The following SGCZ variants were observed in gnomAD, a reference collection of about 807,000 sequenced individuals.
SGCZ encodes zeta-sarcoglycan.
A neutral mutation model predicts 41.3 loss-of-function variants in SGCZ; 40 were observed. That is an observed-to-expected ratio of 0.97 (90% CI 0.75 to 1.26). The LOEUF (loss-of-function observed/expected upper bound fraction) is 1.26. Ranked by LOEUF, SGCZ falls within the 50% of genes most tolerant of loss-of-function variation. SGCZ has a pLI of 0.00. For missense variants in SGCZ, 552 were observed against 369.8 expected, an observed-to-expected ratio of 1.49 and a Z score of -4.04; for synonymous variants, 206 against 137.5, an observed-to-expected ratio of 1.50 and a Z score of -3.49.
At chr8:14,731,838 A>C (rs542470390) in intron 1 of SGCZ, among the ~76,000 whole-genome samples, 66 of 152,118 alleles carry the variant, frequency 4.3e-4, no homozygotes, top group African/African-American at 1.5e-3. Flanking sequence ...TTTTTCTACA[A>C]TTTTCCTTTC....
chr8:14,451,719 G>A (rs558702728), intron 2 of SGCZ, among the ~76,000 whole-genome samples: 83 of 152,298 alleles, frequency 5.4e-4, no homozygotes, highest in Non-Finnish European at 9.7e-4. Flanking sequence ...TGATATACAA[G>A]TGGCAAGTAA....
At chr8:14,244,484 T>C (rs1157908402) in intron 3 of SGCZ, among the ~76,000 whole-genome samples, 3 of 152,212 alleles carry the variant, frequency 2.0e-5, no homozygotes, top group African/African-American at 7.2e-5. Context: ...CATGCTGTTT[T>C]GGTTACTGTA....
chr8:14,981,766 C>T (rs1022286517), intron 1 of SGCZ, among the ~76,000 whole-genome samples: 1 of 152,074 alleles, frequency 6.6e-6, no homozygotes, highest in South Asian at 2.1e-4. Context: ...AGAACGAGAC[C>T]CACCAAATAT....
At chr8:14,601,903 G>A (rs1805600419) in intron 1 of SGCZ, among the ~76,000 whole-genome samples, 3 of 152,044 alleles carry the variant, frequency 2.0e-5, no homozygotes, top group South Asian at 2.1e-4. Flanking sequence ...GGCGGATCAC[G>A]AGGTCAGGAG....
chr8:15,132,149 C>T (rs1807930444), intron 1 of SGCZ, among the ~76,000 whole-genome samples: 1 of 152,084 alleles, frequency 6.6e-6, no homozygotes, highest in African/African-American at 2.4e-5. Context: ...TTATTTTTTT[C>T]ATACAGTTTC....
At chr8:14,237,334 T>C (rs969556165) in intron 4 of SGCZ, among the ~76,000 whole-genome samples, 3 of 151,998 alleles carry the variant, frequency 2.0e-5, no homozygotes, top group Admixed American at 2.0e-4. Flanking sequence ...GAATGTTGAG[T>C]TATGTATCAG....
chr8:14,529,316 TC>T (rs770977422), intron 2 of SGCZ, among the ~76,000 whole-genome samples: 2 of 152,142 alleles, frequency 1.3e-5, no homozygotes, highest in Non-Finnish European at 2.9e-5. Flanking sequence ...CCTGCTTGAC[TC>T]CTTCTACTTA....
In SGCZ at chr8:14,240,163, C is replaced by G. The variant is rs560852877; in HGVS notation, c.337-2484G>C. Among the ~76,000 whole-genome samples, 4 of 151,322 alleles carry G rather than the reference C, an allele frequency of 2.6e-5. No homozygotes were observed. In the East Asian group the frequency reaches 5.9e-4, roughly 22 times the overall value. Reference sequence around the variant, plus strand: ...CCAACATGGCCAAACCCCATCTCTACTAAAAATACGAAAAATTAGCCAGGC... The same window carrying G: ...CCAACATGGCCAAACCCCATCTCTAGTAAAAATACGAAAAATTAGCCAGGC... On this transcript the variant is annotated intron_variant, in intron 3 of 7. Coordinates refer to ENST00000382080, the MANE Select transcript of SGCZ (RefSeq NM_139167.4).
chr8:14,207,644 G>C (rs1236522014), intron 4 of SGCZ, among the ~76,000 whole-genome samples: 1 of 151,836 alleles, frequency 6.6e-6, no homozygotes, highest in Non-Finnish European at 1.5e-5. Flanking sequence ...ATGTAGTAGT[G>C]CTCTATTGTT....
chr8:14,095,673 A>G (rs559826444), intron 7 of SGCZ, among the ~76,000 whole-genome samples: 1 of 152,152 alleles, frequency 6.6e-6, no homozygotes, highest in African/African-American at 2.4e-5. Flanking sequence ...GATAGCATTG[A>G]ATCTATAAAT....
At chr8:14,701,943 C>T (rs1034001765) in intron 1 of SGCZ, among the ~76,000 whole-genome samples, 3 of 151,892 alleles carry the variant, frequency 2.0e-5, no homozygotes, top group African/African-American at 7.3e-5. Flanking sequence ...TCCCTTCATC[C>T]ACATTTGCCC....
Position 14,346,676 on chromosome 8 carries a change from G to A in SGCZ, c.235-22472C>T, listed in dbSNP as rs73211805. Among the ~76,000 whole-genome samples, 1,255 of 152,028 alleles carry A rather than the reference G, an allele frequency of 8.3e-3. 11 individuals carry two copies. The highest frequency in any genetic ancestry group is 0.013 in the Non-Finnish European group (866 of 67,884). On this transcript the variant is annotated intron_variant, in intron 2 of 7. Coordinates refer to ENST00000382080, the MANE Select transcript of SGCZ (RefSeq NM_139167.4). ...AATAAAACAAAATAAAACTGAAGCT[G>A]TTTTACATTATAAGGGAAGAATAAT... is the stretch of plus-strand genomic sequence containing the variant.
chr8:15,040,605 G>A (rs1410791276), intron 1 of SGCZ, among the ~76,000 whole-genome samples: 1 of 152,122 alleles, frequency 6.6e-6, no homozygotes, highest in Non-Finnish European at 1.5e-5. Context: ...TGGGCAACAA[G>A]AGCAAAACTC....
At chr8:14,406,977 C>G (rs765589492) in intron 2 of SGCZ, among the ~76,000 whole-genome samples, 2 of 151,956 alleles carry the variant, frequency 1.3e-5, no homozygotes, top group Non-Finnish European at 2.9e-5. Flanking sequence ...GCCAAGAACC[C>G]TCTAGGACTA....
At chr8:14,659,964 G>A (rs1289904506) in intron 1 of SGCZ, among the ~76,000 whole-genome samples, 2 of 152,136 alleles carry the variant, frequency 1.3e-5, no homozygotes, top group Non-Finnish European at 2.9e-5. Flanking sequence ...GAACATGAAG[G>A]CAGAGATTAG....
At chr8:15,007,141 GA>G (rs1338537801) in intron 1 of SGCZ, among the ~76,000 whole-genome samples, 1 of 152,134 alleles carries the variant, frequency 6.6e-6, no homozygotes, top group Non-Finnish European at 1.5e-5. Context: ...TCCAAAGGAA[GA>G]GATATATCCA....
intron 2 of SGCZ, among the ~76,000 whole-genome samples, chr8:14,514,825 G>GCA (rs146945070): frequency 0.2 from 27,269 of 135,402 alleles, 3,200 homozygotes; most frequent in Non-Finnish European, 0.26. Flanking sequence ...ATATATACAC[G>GCA]CACACACACA....
chr8:14,570,088 T>C (rs62498433), intron 1 of SGCZ, among the ~76,000 whole-genome samples: 1 of 152,078 alleles, frequency 6.6e-6, no homozygotes, highest in Admixed American at 6.6e-5. Context: ...AAATGAAATA[T>C]TTATCTGTTG....
intron 1 of SGCZ, among the ~76,000 whole-genome samples, chr8:15,072,870 G>A (rs951604813): frequency 2.6e-5 from 4 of 152,092 alleles, no homozygotes; most frequent in East Asian, 1.9e-4. Context: ...AGCAACATAC[G>A]ACTCTTAGAA....
Sources: allele counts gnomAD v4.1 joint callset (sites outside exome capture counted in the v4.1 genomes callset), GRCh38; gene constraint gnomAD v4.1.1; transcripts MANE v1.5; gene names NCBI Gene and HGNC (gene_info 2026-07-23, HGNC 2026-07-21).